Variants in UNC13C observed in about 807,000 individuals in gnomAD.
UNC13C encodes the protein unc-13 homolog C.
A neutral mutation model predicts 245.4 loss-of-function variants in UNC13C; 174 were observed. That is an observed-to-expected ratio of 0.71 (90% CI 0.63 to 0.80). UNC13C has a LOEUF of 0.80. UNC13C is among the 30% of genes least tolerant of loss of function. The pLI, the probability that UNC13C is intolerant of heterozygous loss-of-function variation, is 0.00. For missense variants in UNC13C, 2,829 were observed against 2,602.9 expected, an observed-to-expected ratio of 1.09 and a Z score of -1.89; for synonymous variants, 992 against 895.1, an observed-to-expected ratio of 1.11 and a Z score of -1.93.
At chr15:54,203,719 CACAT>C (rs1201978972) in intron 4 of UNC13C, among the ~76,000 whole-genome samples, 1 of 140,998 alleles carries the variant, frequency 7.1e-6, no homozygotes, top group Non-Finnish European at 1.6e-5. Context: ...TATATATACA[CACAT>C]ATATACACAT....
At chr15:54,172,705 T>TATAG (rs1567066952) in intron 4 of UNC13C, among the ~76,000 whole-genome samples, 14 of 39,926 alleles carry the variant, frequency 3.5e-4, no homozygotes, top group African/African-American at 6.5e-4. Flanking sequence ...CACACACAGA[T>TATAG]ATATATATAT....
chr15:53,843,855 C>G, the UNC13C span, among the ~76,000 whole-genome samples: 1 of 152,034 alleles, frequency 6.6e-6, no homozygotes, highest in Non-Finnish European at 1.5e-5. Flanking sequence ...TTGAGAGGCT[C>G]TATTTCAGTG....
Position 54,173,748 on chromosome 15 carries a change from A to G in UNC13C, c.3071+30064A>G, listed in dbSNP as rs2033505748. Among the ~76,000 whole-genome samples the G allele has an allele frequency of 1.3e-5, 2 of 152,106 alleles. 1 individual carries two copies. Among genetic ancestry groups the G allele is most frequent in the South Asian group, 4.1e-4 (2 of 4,830 alleles). On this transcript the variant is annotated intron_variant, in intron 4 of 32. Coordinates refer to ENST00000260323, the MANE Select transcript of UNC13C (RefSeq NM_001080534.3). ...ACTGACTAGGCTCTCCAGTAAAGTGATAAATAGAAGTGATGACAATGGACA... is the reference window on the plus strand; with the variant it reads ...ACTGACTAGGCTCTCCAGTAAAGTGGTAAATAGAAGTGATGACAATGGACA...
At chr15:54,437,754 C>T (rs903939485) in intron 19 of UNC13C, among the ~76,000 whole-genome samples, 10 of 151,878 alleles carry the variant, frequency 6.6e-5, no homozygotes, top group South Asian at 2.1e-4. Flanking sequence ...ACACAGACGA[C>T]ATGTTTGAAC....
At chr15:54,546,981 T>A in intron 27 of UNC13C, 136 bp downstream of exon 27, 1 of 802,638 alleles carries the variant, frequency 1.2e-6, no homozygotes, top group Non-Finnish European at 1.9e-6. Context: ...TTAACAATGA[T>A]CATTCAAATG....
At chr15:54,248,715 A>G (rs1232581731) in intron 7 of UNC13C, among the ~76,000 whole-genome samples, 4 of 152,190 alleles carry the variant, frequency 2.6e-5, no homozygotes, top group Non-Finnish European at 5.9e-5. Flanking sequence ...GCTGCTCTGT[A>G]GACTCACTTG....
At chr15:54,043,757 A>G (rs1019288417) in intron 2 of UNC13C, among the ~76,000 whole-genome samples, 4 of 152,064 alleles carry the variant, frequency 2.6e-5, no homozygotes, top group African/African-American at 9.7e-5. Context: ...CTTTTCATCT[A>G]TTCTGTGCCA....
chr15:54,113,086 A>ATT (rs35220958), intron 2 of UNC13C, among the ~76,000 whole-genome samples: 9 of 151,070 alleles, frequency 6.0e-5, no homozygotes, highest in African/African-American at 1.5e-4. Flanking sequence ...GTTAGGCGAG[A>ATT]TTTTTTTTTT....
intron 4 of UNC13C, among the ~76,000 whole-genome samples, chr15:54,164,842 T>A (rs1289816027): frequency 6.6e-6 from 1 of 152,172 alleles, no homozygotes; most frequent in African/African-American, 2.4e-5. Flanking sequence ...TGGAATAATT[T>A]CATCATGATA....
chr15:54,430,002 C>T (rs1464977914), intron 19 of UNC13C, among the ~76,000 whole-genome samples: 1 of 151,454 alleles, frequency 6.6e-6, no homozygotes, highest in Non-Finnish European at 1.5e-5. Context: ...AAATAATATG[C>T]CAATTTGAGG....
intron 30 of UNC13C, among the ~76,000 whole-genome samples, chr15:54,602,004 A>G (rs185781169): frequency 4.2e-4 from 64 of 152,218 alleles, no homozygotes; most frequent in African/African-American, 1.5e-3. Flanking sequence ...CTGTGAGCCC[A>G]CAGCCAGCAA....
chr15:54,250,764 T>TCTTTCTTTCTTTCTTTCTTTC (rs2036129626), intron 8 of UNC13C, among the ~76,000 whole-genome samples: 2 of 133,892 alleles, frequency 1.5e-5, no homozygotes, highest in African/African-American at 5.7e-5. Context: ...TTTTTTTTTT[T>TCTTTCTTTCTTTCTTTCTTTC]TTTTTTTTTT....
rs568635315 is a variant in UNC13C at position 54,229,952 on chromosome 15, T to G, written c.3072-5078T>G. Among the ~76,000 whole-genome samples, 23 of 146,148 alleles carry G rather than the reference T, an allele frequency of 1.6e-4. No homozygotes were observed. In the South Asian group the frequency reaches 3.6e-3, roughly 23 times the overall value. The stretch of plus-strand genomic sequence containing the variant: ...TCATCCATTGTCACAAATTGTAGGG[T>G]TTTTTTTTAAGACTGACTAGTATTC... On this transcript the variant is annotated intron_variant, in intron 4 of 32. Transcript: ENST00000260323.
intron 4 of UNC13C, among the ~76,000 whole-genome samples, chr15:54,145,109 T>C (rs2032198824): frequency 2.0e-5 from 3 of 151,890 alleles, no homozygotes; most frequent in African/African-American, 7.2e-5. Context: ...TAAATATATA[T>C]ACATATATAT....
chr15:54,542,213 G>A (rs1896277878), intron 26 of UNC13C, among the ~76,000 whole-genome samples: 1 of 152,026 alleles, frequency 6.6e-6, no homozygotes, highest in East Asian at 1.9e-4. Context: ...ATTTTTCATT[G>A]TTTTCAAAGA....
At chr15:54,374,628 G>T (rs2039565206) in intron 17 of UNC13C, among the ~76,000 whole-genome samples, 1 of 152,242 alleles carries the variant, frequency 6.6e-6, no homozygotes, top group Non-Finnish European at 1.5e-5. Flanking sequence ...TGAGCCTGCA[G>T]AGGAAGGGAG....
chr15:54,457,294 G>T (rs1891584635), intron 19 of UNC13C, among the ~76,000 whole-genome samples: 1 of 151,972 alleles, frequency 6.6e-6, no homozygotes. Context: ...ATTTTGTTAA[G>T]GTTTTTTGCA....
rs142165699 is a variant in UNC13C at position 54,570,966 on chromosome 15, C to A, written c.6106+3019C>A. Among the ~76,000 whole-genome samples the A allele has an allele frequency of 1.9e-3, 294 of 152,254 alleles. 1 individual carries two copies. The highest frequency in any genetic ancestry group is 6.9e-3 in the African/African-American group (285 of 41,546). On this transcript the variant is annotated intron_variant, in intron 30 of 32. Coordinates refer to ENST00000260323, the MANE Select transcript of UNC13C (RefSeq NM_001080534.3). ...ATAAAGTGCTATACAATTCTTTGAACATTTGACACTGGACATGCTGAAATA... is the reference window on the plus strand; with the variant it reads ...ATAAAGTGCTATACAATTCTTTGAAAATTTGACACTGGACATGCTGAAATA...
In UNC13C at chr15:54,624,640, C is replaced by T. The variant is rs111382677; in HGVS notation, c.6359+686C>T. Among the ~76,000 whole-genome samples the T allele has an allele frequency of 4.7e-3, 707 of 152,006 alleles. 7 individuals are homozygous for T. The highest frequency in any genetic ancestry group is 0.016 in the African/African-American group (668 of 41,466). ...AGAAATAATTATACGGTGGCAAGAC[C>T]AAATATGTAAAGATCAGTTAGAAGG... On this transcript the variant is annotated intron_variant, in intron 32 of 32. Coordinates refer to ENST00000260323, the MANE Select transcript of UNC13C (RefSeq NM_001080534.3).
Sources: allele counts gnomAD v4.1 joint callset (sites outside exome capture counted in the v4.1 genomes callset), GRCh38; gene constraint gnomAD v4.1.1; transcripts MANE v1.5; gene names NCBI Gene and HGNC (gene_info 2026-07-23, HGNC 2026-07-21).